Variants in CASD1 observed in about 807,000 individuals in gnomAD.
CASD1 encodes CAS1 domain sialic acid O acetyltransferase 1, also known as N-acetylneuraminate (7)9-O-acetyltransferase.
CASD1 carries 41 observed loss-of-function variants against 100.0 expected under a neutral mutation model. That is an observed-to-expected ratio of 0.41 (90% CI 0.32 to 0.53). The LOEUF (loss-of-function observed/expected upper bound fraction) is 0.53. Ranked by LOEUF, CASD1 falls within the 20% of genes least tolerant of loss-of-function variation. The pLI, the probability that CASD1 is intolerant of heterozygous loss-of-function variation, is 0.25. For synonymous variants in CASD1, 321 were observed against 315.6 expected, an observed-to-expected ratio of 1.02 and a Z score of -0.18; for missense variants, 774 against 948.7, an observed-to-expected ratio of 0.82 and a Z score of 2.42.
chr7:94,540,847 A>G (rs1795357878), intron 10 of CASD1, among the ~76,000 whole-genome samples: 1 of 152,170 alleles, frequency 6.6e-6, no homozygotes, highest in South Asian at 2.1e-4. Context: ...GACATAATTA[A>G]TTGCTGACAT....
chr7:94,510,335 G>C (rs1022059441), intron 1 of CASD1, 118 bp downstream of exon 1: 1 of 764,038 alleles, frequency 1.3e-6, no homozygotes, highest in South Asian at 3.4e-5. Flanking sequence ...CCCGGCCCGC[G>C]GGGGAGGCGG....
At chr7:94,548,967 C>T (rs962978100) in intron 13 of CASD1, among the ~76,000 whole-genome samples, 5 of 151,798 alleles carry the variant, frequency 3.3e-5, no homozygotes, top group Admixed American at 2.0e-4. Flanking sequence ...GTTTCAAAGG[C>T]TGGTAATGGA....
the CASD1 span, chr7:94,623,353 A>G: frequency 1.2e-6 from 2 of 1,604,920 alleles, no homozygotes; most frequent in Non-Finnish European, 1.7e-6. Context: ...TAATTATCAA[A>G]TTATGCCTTG....
intron 7 of CASD1, among the ~76,000 whole-genome samples, chr7:94,534,223 G>A (rs1795001124): frequency 7.2e-6 from 1 of 138,446 alleles, no homozygotes; most frequent in Non-Finnish European, 1.5e-5. Context: ...TTGGAGTGCA[G>A]TAGCACGATC....
At chr7:94,530,348 T>C (rs1173609742) in intron 5 of CASD1, among the ~76,000 whole-genome samples, 1 of 152,104 alleles carries the variant, frequency 6.6e-6, no homozygotes, top group Non-Finnish European at 1.5e-5. Flanking sequence ...AAAATGCTTC[T>C]TTATGTGTGT....
chr7:94,552,139 T>G (rs767539240), intron 15 of CASD1: 15 of 505,540 alleles, frequency 3.0e-5, no homozygotes, highest in Non-Finnish European at 4.8e-5. Context: ...CACAGACTTG[T>G]GCACCTCCCT....
At chr7:94,594,059 C>A in the CASD1 span, among the ~76,000 whole-genome samples, 80 of 152,170 alleles carry the variant, frequency 5.3e-4, no homozygotes, top group African/African-American at 1.9e-3. Context: ...AGGCTAGACT[C>A]TCTCTTGACG....
the CASD1 span, chr7:94,629,660 G>A: frequency 4.0e-6 from 6 of 1,517,606 alleles, no homozygotes; most frequent in Non-Finnish European, 5.5e-6. Context: ...TCTATATTAT[G>A]CAAATTAAAC....
the CASD1 span, among the ~76,000 whole-genome samples, chr7:94,605,949 C>T: frequency 3.3e-5 from 5 of 152,110 alleles, no homozygotes; most frequent in East Asian, 9.6e-4. Flanking sequence ...CTGCCTCAGC[C>T]TCCCAAGTAG....
At chr7:94,573,842 T>G in the CASD1 span, among the ~76,000 whole-genome samples, 1 of 152,228 alleles carries the variant, frequency 6.6e-6, no homozygotes, top group Non-Finnish European at 1.5e-5. Context: ...TTTTGCCCAT[T>G]CAGTATAATG....
the CASD1 span, among the ~76,000 whole-genome samples, chr7:94,595,774 CT>C: frequency 6.6e-6 from 1 of 152,196 alleles, no homozygotes; most frequent in South Asian, 2.1e-4. Context: ...TCCCTATTAT[CT>C]GGCATGGCTG....
the CASD1 span, chr7:94,623,582 ATAAT>A: frequency 6.8e-6 from 4 of 590,598 alleles, no homozygotes; most frequent in South Asian, 4.5e-5. Context: ...GGGAAAATAA[ATAAT>A]TAGTCAGGTC....
chr7:94,601,440 T>A, the CASD1 span, among the ~76,000 whole-genome samples: 1 of 60,926 alleles, frequency 1.6e-5, no homozygotes, highest in African/African-American at 1.5e-4. Flanking sequence ...TCTATCCCAG[T>A]ATCAAAAAAA....
At chr7:94,569,580 A>T in the CASD1 span, among the ~76,000 whole-genome samples, 2 of 151,668 alleles carry the variant, frequency 1.3e-5, no homozygotes, top group East Asian at 3.9e-4. Context: ...TCAGCCTCCC[A>T]AGTAGTTTAG....
chr7:94,545,539 C>G lies in CASD1; in HGVS notation c.1477-6C>G. 1 of 1,594,108 alleles carries G rather than the reference C, an allele frequency of 6.3e-7. No homozygotes were observed. Among genetic ancestry groups the G allele is most frequent in the African/African-American group, 1.3e-5 (1 of 74,422 alleles). ...AATGAAACCATTTTCTTCTCCTTTT[C>G]AATAGGTTTTATTTCGTCTCAATTT... On this transcript the variant is annotated splice_region_variant and splice_polypyrimidine_tract_variant and intron_variant, in intron 11 of 17. Coordinates refer to ENST00000297273, the MANE Select transcript of CASD1 (RefSeq NM_022900.5).
chr7:94,521,813 C>T (rs757262498), intron 3 of CASD1, among the ~76,000 whole-genome samples: 7 of 152,260 alleles, frequency 4.6e-5, no homozygotes, highest in Admixed American at 3.9e-4. Context: ...AAGCCAGGCA[C>T]GGTGGCTCAT....
chr7:94,585,396 C>A, the CASD1 span: 1 of 1,008,780 alleles, frequency 9.9e-7, no homozygotes, highest in Non-Finnish European at 1.6e-6. Context: ...ACATGCATAA[C>A]ATATGCCAGA....
At chr7:94,578,739 G>A in the CASD1 span, among the ~76,000 whole-genome samples, 1 of 152,134 alleles carries the variant, frequency 6.6e-6, no homozygotes, top group South Asian at 2.1e-4. Flanking sequence ...TGTTTGTGTA[G>A]AGAAAAAATG....
At chr7:94,628,024 A>C in the CASD1 span, 2 of 558,876 alleles carry the variant, frequency 3.6e-6, no homozygotes, top group African/African-American at 1.9e-5. Flanking sequence ...AAAACTTTAT[A>C]AACAGAGAAG....
Sources: gnomAD v4.1 joint callset for allele counts (sites outside exome capture counted in the v4.1 genomes callset) on GRCh38, gnomAD v4.1.1 for gene constraint, MANE v1.5 for transcripts, NCBI Gene and HGNC (gene_info 2026-07-23, HGNC 2026-07-21) for gene names.